Variants in AUTS2 observed in about 807,000 individuals in gnomAD.
AUTS2 encodes autism susceptibility gene 2 protein.
A neutral mutation model predicts 112.4 loss-of-function variants in AUTS2; 17 were observed. That is an observed-to-expected ratio of 0.15 (90% CI 0.10 to 0.23). The LOEUF (loss-of-function observed/expected upper bound fraction) is 0.23. Among genes scored for constraint, AUTS2 ranks in the 10% least tolerant of loss-of-function variants. The pLI is 1.00. For missense variants in AUTS2, 1,510 were observed against 1,701.6 expected (o/e 0.89, Z 1.98); for synonymous variants, 751 against 702.7 (o/e 1.07, Z -1.09).
At chr7:69,918,023 A>G (rs1187478385) in intron 2 of AUTS2, among the ~76,000 whole-genome samples, 1 of 152,014 alleles carries the variant, frequency 6.6e-6, no homozygotes, top group South Asian at 2.1e-4. Flanking sequence ...TTGTATTTTT[A>G]GTAGAGACAG....
chr7:69,927,186 T>TTTTA (rs369873035), intron 2 of AUTS2, among the ~76,000 whole-genome samples: 1 of 142,410 alleles, frequency 7.0e-6, no homozygotes, highest in African/African-American at 2.6e-5. Context: ...TCCAATATAT[T>TTTTA]TATATATATA....
chr7:70,672,957 T>C (rs1355188983), intron 5 of AUTS2, among the ~76,000 whole-genome samples: 1 of 152,190 alleles, frequency 6.6e-6, no homozygotes, highest in Non-Finnish European at 1.5e-5. Context: ...ACAACCCTAC[T>C]ACAGCATTCA....
In AUTS2 at chr7:70,394,206, T is replaced by C. The variant is rs561936229; in HGVS notation, c.661-41546T>C. Among the ~76,000 whole-genome samples the C allele has an allele frequency of 1.1e-4, 17 of 152,340 alleles. No individual in the cohort carries two copies. The East Asian group carries it at 2.3e-3, about 21-fold the overall frequency. On this transcript the variant is annotated intron_variant, in intron 4 of 18. Coordinates refer to ENST00000342771, the MANE Select transcript of AUTS2 (RefSeq NM_015570.4). ...GCCAAGCCTCTTTGGTACTTTTTTTTCCCCTACAGATGAGTAGTCAGTGTT... is the reference window on the plus strand; with the variant it reads ...GCCAAGCCTCTTTGGTACTTTTTTTCCCCCTACAGATGAGTAGTCAGTGTT...
intron 1 of AUTS2, among the ~76,000 whole-genome samples, chr7:69,795,681 A>G (rs1347442145): frequency 6.6e-6 from 1 of 152,228 alleles, no homozygotes. Flanking sequence ...TTTGTTCTAT[A>G]GATAGATTCC....
intron 4 of AUTS2, among the ~76,000 whole-genome samples, chr7:70,260,392 T>C (rs1043590419): frequency 6.6e-6 from 1 of 151,028 alleles, no homozygotes; most frequent in Non-Finnish European, 1.5e-5. Flanking sequence ...TACTAGATAG[T>C]TTATAAAGAA....
chr7:69,612,715 C>G (rs1793114170), intron 1 of AUTS2, among the ~76,000 whole-genome samples: 1 of 152,164 alleles, frequency 6.6e-6, no homozygotes, highest in South Asian at 2.1e-4. Context: ...CTTGGCCTCT[C>G]AAAAGTGCTG....
intron 1 of AUTS2, among the ~76,000 whole-genome samples, chr7:69,691,649 C>T (rs1797350724): frequency 6.6e-6 from 1 of 151,688 alleles, no homozygotes; most frequent in Admixed American, 6.6e-5. Context: ...GAGTTGGGCC[C>T]CCGAGAACAC....
chr7:69,955,649 C>T (rs1227636232), intron 2 of AUTS2, among the ~76,000 whole-genome samples: 1 of 152,132 alleles, frequency 6.6e-6, no homozygotes, highest in Admixed American at 6.5e-5. Flanking sequence ...TTTCAATTAA[C>T]ACCCTCCCCT....
intron 5 of AUTS2, among the ~76,000 whole-genome samples, chr7:70,452,554 G>A (rs894431909): frequency 2.0e-5 from 3 of 152,080 alleles, no homozygotes; most frequent in African/African-American, 7.2e-5. Flanking sequence ...ACCATTGACC[G>A]ACTTACCCTG....
chr7:70,645,454 G>A (rs1047014951), intron 5 of AUTS2, among the ~76,000 whole-genome samples: 1 of 152,034 alleles, frequency 6.6e-6, no homozygotes, highest in African/African-American at 2.4e-5. Context: ...AGATGGTCTG[G>A]TGCTGCAGCA....
At chr7:70,159,357 A>G (rs1807956250) in intron 4 of AUTS2, among the ~76,000 whole-genome samples, 1 of 152,228 alleles carries the variant, frequency 6.6e-6, no homozygotes, top group Non-Finnish European at 1.5e-5. Context: ...AGTGTGAAAT[A>G]CATGTGGTTA....
chr7:70,786,572 GAGA>G (rs1283660843), intron 17 of AUTS2, among the ~76,000 whole-genome samples: 1 of 152,138 alleles, frequency 6.6e-6, no homozygotes, highest in Non-Finnish European at 1.5e-5. Context: ...TCTCGATTAG[GAGA>G]AGAATTACAA....
chr7:69,623,237 CA>C (rs1554335472), intron 1 of AUTS2, among the ~76,000 whole-genome samples: 2 of 151,982 alleles, frequency 1.3e-5, no homozygotes, highest in Non-Finnish European at 2.9e-5. Flanking sequence ...GGGTTTGTGA[CA>C]GGGGGACAAG....
intron 5 of AUTS2, among the ~76,000 whole-genome samples, chr7:70,517,925 A>G (rs1799485196): frequency 6.6e-6 from 1 of 152,232 alleles, no homozygotes; most frequent in African/African-American, 2.4e-5. Flanking sequence ...CCAGAAAAAT[A>G]CATAAATGGA....
chr7:69,839,824 AAGGAAATATGGC>A (rs1285662013), intron 1 of AUTS2, among the ~76,000 whole-genome samples: 1 of 152,048 alleles, frequency 6.6e-6, no homozygotes, highest in Non-Finnish European at 1.5e-5. Flanking sequence ...TTTGTAGGTA[AAGGAAATATGGC>A]AGGAGAGTGA....
At chr7:70,594,455 G>A (rs1803097637) in intron 5 of AUTS2, among the ~76,000 whole-genome samples, 1 of 152,280 alleles carries the variant, frequency 6.6e-6, no homozygotes, top group East Asian at 1.9e-4. Flanking sequence ...TGATAGCATT[G>A]GTGAGCTGGC....
chr7:70,053,544 G>GTTTGTTTTTTTTTTTTTTTTTTTTT (rs1801849869), intron 2 of AUTS2, among the ~76,000 whole-genome samples: 2 of 127,848 alleles, frequency 1.6e-5, no homozygotes, highest in Admixed American at 7.6e-5. Flanking sequence ...GTTTTGGGTG[G>GTTTGTTTTTTTTTTTTTTTTTTTTT]TTTTTTTTTT....
chr7:69,743,955 G>A (rs1268964497), intron 1 of AUTS2, among the ~76,000 whole-genome samples: 1 of 150,844 alleles, frequency 6.6e-6, no homozygotes, highest in Non-Finnish European at 1.5e-5. Flanking sequence ...GTGCCACCTT[G>A]CTAGGCTAAT....
At chr7:70,625,013 GGC>G (rs1469250526) in intron 5 of AUTS2, among the ~76,000 whole-genome samples, 1 of 151,996 alleles carries the variant, frequency 6.6e-6, no homozygotes, top group Non-Finnish European at 1.5e-5. Flanking sequence ...CCAGCAGCCT[GGC>G]TCATCACTGA....
Sources: gnomAD v4.1 joint callset for allele counts (sites outside exome capture counted in the v4.1 genomes callset) on GRCh38, gnomAD v4.1.1 for gene constraint, MANE v1.5 for transcripts, NCBI Gene and HGNC (gene_info 2026-07-23, HGNC 2026-07-21) for gene names.